PXDN: variants seen among roughly 807,000 people sequenced by gnomAD.
PXDN encodes the protein peroxidasin homolog.
A neutral mutation model predicts 140.3 loss-of-function variants in PXDN; 77 were observed. The ratio of observed to expected loss-of-function variants is 0.55; its 90% CI spans 0.46 to 0.66. The LOEUF (loss-of-function observed/expected upper bound fraction) is 0.66, where lower values mean the gene tolerates loss of function less well. Ranked by LOEUF, PXDN falls within the 30% of genes least tolerant of loss-of-function variation. The pLI is 0.00. For synonymous variants in PXDN, 911 were observed against 857.4 expected (o/e 1.06, Z -1.09); for missense variants, 1,838 against 2,039.5 (o/e 0.90, Z 1.90).
At chr2:1,637,710 G>T in intron 21 of PXDN, among the ~76,000 whole-genome samples, 1 of 120,832 alleles carries the variant, frequency 8.3e-6, no homozygotes, top group East Asian at 2.8e-4. Context: ...CACTCTGACA[G>T]CTGCCTGGGG....
rs896811400 is a variant in PXDN at position 1,651,712 on chromosome 2, A to T, written c.2104+1916T>A. Among the ~76,000 whole-genome samples, 2 of 151,866 alleles carry T rather than the reference A, an allele frequency of 1.3e-5. No individual in the cohort carries two copies. Among genetic ancestry groups the T allele is most frequent in the African/African-American group, 4.8e-5 (2 of 41,318 alleles). Reference sequence around the variant, plus strand: ...CCTCGCCCTTGTGGGGTCCCTGCTCACGTGTCACCTTCGCCCATGGGGAAC... The same window carrying T: ...CCTCGCCCTTGTGGGGTCCCTGCTCTCGTGTCACCTTCGCCCATGGGGAAC... On this transcript the variant is annotated intron_variant, in intron 16 of 22. Transcript: ENST00000252804. This position sits in a 1 kb window ranked among gnomAD's most constrained non-coding sequence, Gnocchi z 4.4.
At position 1,644,621 on chromosome 2, in the gene PXDN, T is replaced by A; in HGVS notation, c.3740A>T (p.Asp1247Val). 1 of 1,599,172 alleles carries A rather than the reference T, an allele frequency of 6.3e-7. No individual in the cohort carries two copies. The part of the protein sequence containing the change: ...STQFKRLRDG[D>V]RLWYENPGVF... ...CCTTTCTGGTGCACGTGCTCACCTGTCCCCATCTCGCAGGCGCTTGAACTG... is the reference window on the plus strand; with the variant it reads ...CCTTTCTGGTGCACGTGCTCACCTGACCCCATCTCGCAGGCGCTTGAACTG... The change falls in exon 18 of 23, where the codon GAC becomes GTC. Residue 1247 changes from aspartate to valine, a missense_variant. Asp to Val is a radical substitution (Grantham distance 152, BLOSUM62 -3). Around this residue, in one of 5 missense-constraint regions of PXDN, gnomAD observed 850 missense variants for 894.1 expected, o/e 0.95. Coordinates refer to ENST00000252804, the MANE Select transcript of PXDN (RefSeq NM_012293.3).
rs1048648617 is a variant in PXDN at position 1,687,763 on chromosome 2, A to T, written c.345-60T>A. The T allele has an allele frequency of 1.4e-5, 18 of 1,291,768 alleles. No homozygotes were observed. The highest frequency in any genetic ancestry group is 1.8e-4 in the Middle Eastern group (1 of 5,406). 80.0% of individuals were successfully genotyped at this position (1,291,768 alleles called of 1,614,324 possible). ...AGACAGGAGGTCAAACTTCAGACGG[A>T]AAAGAAGAATTAAATTGACACATGG... On this transcript the variant is annotated intron_variant, in intron 3 of 22. Transcript: ENST00000252804. This position sits in a 1 kb window ranked among gnomAD's most constrained non-coding sequence, Gnocchi z 4.0.
At chr2:1,740,305 T>A (rs1685511673) in intron 1 of PXDN, among the ~76,000 whole-genome samples, 3 of 151,898 alleles carry the variant, frequency 2.0e-5, no homozygotes, top group African/African-American at 7.2e-5. Flanking sequence ...GGAGGAGAGG[T>A]CCTCTCCGAA....
chr2:1,641,758 A>C (rs924443641), intron 19 of PXDN, among the ~76,000 whole-genome samples: 2 of 152,250 alleles, frequency 1.3e-5, no homozygotes, highest in African/African-American at 4.8e-5. Context: ...CTGGCTTTAA[A>C]GATGAAGTCT....
In PXDN at chr2:1,649,549, T is replaced by C. The variant is rs1190799240; in HGVS notation, c.2231A>G (p.His744Arg). 6.2e-7 allele frequency: 1 copy of C among 1,614,030 alleles called. No individual in the cohort carries two copies. Among genetic ancestry groups the C allele is most frequent in the Non-Finnish European group, 8.5e-7 (1 of 1,179,890 alleles). Residue 744 changes from histidine (H) to arginine (R), a missense_variant, in exon 17 of 23, where the codon CAC (histidine) becomes CGC (arginine). Physicochemically the swap from His to Arg is conservative, Grantham distance 29 (BLOSUM62 0). Transcript: ENST00000252804. This position sits in a 1 kb window ranked among gnomAD's most constrained non-coding sequence, Gnocchi z 7.1. ...CTGCAGGTTGTTACAGGTGCCGTCGTGCGTCCGGTACTTCTGGTGGAAGCA... is the reference window on the plus strand; with the variant it reads ...CTGCAGGTTGTTACAGGTGCCGTCGCGCGTCCGGTACTTCTGGTGGAAGCA... ...DMCFHQKYRT[H>R]DGTCNNLQHP... is the part of the protein sequence containing the mutation.
chr2:1,707,685 A>G (rs1429788485), intron 1 of PXDN, among the ~76,000 whole-genome samples: 1 of 152,202 alleles, frequency 6.6e-6, no homozygotes, highest in African/African-American at 2.4e-5. Context: ...AGGACAAAAA[A>G]GGGGAAGACA....
At chr2:1,682,987 C>A (rs1483173405) in intron 6 of PXDN, among the ~76,000 whole-genome samples, 16 of 152,244 alleles carry the variant, frequency 1.1e-4, no homozygotes, top group African/African-American at 3.9e-4. Flanking sequence ...TAGAAAGACA[C>A]AGAATATAGC....
intron 6 of PXDN, among the ~76,000 whole-genome samples, chr2:1,681,743 AC>A (rs1683913005): frequency 6.6e-6 from 1 of 152,208 alleles, no homozygotes; most frequent in South Asian, 2.1e-4. Flanking sequence ...AGGGCACCCA[AC>A]CTGTGCCCAC....
chr2:1,635,168 G>C lies in PXDN; in HGVS notation c.4320+240C>G, dbSNP rs893903051. 3.4e-5 allele frequency among the ~76,000 whole-genome samples: 5 copies of C among 147,282 alleles called. No individual in the cohort carries two copies. In the East Asian group the frequency reaches 6.3e-4, roughly 19 times the overall value. ...CCAGGTGGCCCTGCACAGAGTAGGG[G>C]CTGCCCGCCCTCTGTGGGGTTGGAC... On this transcript the variant is annotated intron_variant, in intron 22 of 22. Transcript: ENST00000252804.
intron 9 of PXDN, among the ~76,000 whole-genome samples, chr2:1,669,150 G>A (rs1369814976): frequency 2.0e-5 from 3 of 152,172 alleles, no homozygotes; most frequent in Non-Finnish European, 2.9e-5. Context: ...GTCCTTTGCA[G>A]GAACATGGAA....
chr2:1,724,315 T>TG (rs200133287), intron 1 of PXDN, among the ~76,000 whole-genome samples: 140 of 151,326 alleles, frequency 9.3e-4, no homozygotes, highest in African/African-American at 3.2e-3. Flanking sequence ...AATTTCCGTT[T>TG]TTTTTTTTTT....
intron 3 of PXDN, among the ~76,000 whole-genome samples, chr2:1,688,289 A>C (rs1404225179): frequency 1.3e-5 from 2 of 152,202 alleles, no homozygotes; most frequent in Non-Finnish European, 2.9e-5. Context: ...TAACATGTGA[A>C]CTTGGAATGC....
intron 1 of PXDN, among the ~76,000 whole-genome samples, chr2:1,720,573 C>T (rs887957914): frequency 6.6e-6 from 1 of 152,022 alleles, no homozygotes; most frequent in Non-Finnish European, 1.5e-5. Context: ...CAGACCAGAG[C>T]CTGGGGAGGC....
In PXDN at chr2:1,648,120, T is replaced by G; in HGVS notation, c.3608+52A>C. On this transcript the variant is annotated intron_variant, in intron 17 of 22. Coordinates refer to ENST00000252804, the MANE Select transcript of PXDN (RefSeq NM_012293.3). This position sits in a 1 kb window ranked among gnomAD's most constrained non-coding sequence, Gnocchi z 8.9. ...AATAACACACACACCACAGTTCAGG[T>G]GTTCCAGGTGCCTAGGTACACGAGC... is the stretch of plus-strand genomic sequence containing the variant. 1 of 1,568,032 alleles carries G rather than the reference T, an allele frequency of 6.4e-7. No individual in the cohort carries two copies. The highest frequency in any genetic ancestry group is 1.2e-5 in the South Asian group (1 of 84,338).
At chr2:1,743,825 G>A (rs1458552559) in intron 1 of PXDN, among the ~76,000 whole-genome samples, 2 of 143,846 alleles carry the variant, frequency 1.4e-5, no homozygotes, top group African/African-American at 2.6e-5. Context: ...AGCGGAGGGG[G>A]ACCGAGGGGT....
intron 17 of PXDN, among the ~76,000 whole-genome samples, chr2:1,647,659 C>A (rs1682881833): frequency 6.6e-6 from 1 of 152,206 alleles, no homozygotes; most frequent in Admixed American, 6.5e-5. Context: ...TGGGTCTGGG[C>A]AACACAGTGA....
At chr2:1,680,914 C>G (rs572496534) in intron 6 of PXDN, among the ~76,000 whole-genome samples, 111 of 152,274 alleles carry the variant, frequency 7.3e-4, no homozygotes, top group African/African-American at 2.5e-3. Context: ...TCCAAGCTGA[C>G]CTGGAAAGTT....
At chr2:1,698,056 G>A (rs78971042) in intron 1 of PXDN, among the ~76,000 whole-genome samples, 2,889 of 152,212 alleles carry the variant, frequency 0.019, 83 homozygotes, top group African/African-American at 0.066. Flanking sequence ...AGGAGACTGC[G>A]ATAAAAACGC....
Sources: gnomAD v4.1 joint callset for allele counts (sites outside exome capture counted in the v4.1 genomes callset) on GRCh38, gnomAD v4.1.1 for gene constraint, gnomAD v4.1.1 regional missense constraint, Gnocchi (gnomAD v3.1) non-coding constraint, MANE v1.5 for transcripts, NCBI Gene and HGNC (gene_info 2026-07-23, HGNC 2026-07-21) for gene names.